The following CAP2 variants were observed in gnomAD, a reference collection of about 807,000 sequenced individuals.
CAP2 encodes cyclase associated actin cytoskeleton regulatory protein 2, also known as adenylyl cyclase-associated protein 2.
CAP2 carries 24 observed loss-of-function variants against 57.7 expected under a neutral mutation model. The observed-to-expected ratio is 0.42, with a 90% confidence interval of 0.30 to 0.58. CAP2 has a LOEUF of 0.58. Ranked by LOEUF, CAP2 falls within the 20% of genes least tolerant of loss-of-function variation. CAP2 has a pLI of 0.22. For synonymous variants in CAP2, 194 were observed against 207.2 expected (o/e 0.94, Z 0.55); for missense variants, 501 against 590.3 (o/e 0.85, Z 1.57).
intron 6 of CAP2, among the ~76,000 whole-genome samples, chr6:17,508,680 T>A (rs1183771427): frequency 6.6e-6 from 1 of 152,060 alleles, no homozygotes; most frequent in East Asian, 1.9e-4. Context: ...GGACGTCTCA[T>A]GTGTTGACCC....
intron 4 of CAP2, among the ~76,000 whole-genome samples, chr6:17,478,247 G>A (rs898623272): frequency 3.4e-5 from 5 of 148,030 alleles, no homozygotes; most frequent in Non-Finnish European, 4.4e-5. Context: ...TGATCCTCCC[G>A]CCTCAGCCTC....
At chr6:17,514,246 C>G (rs1010680901) in intron 7 of CAP2, among the ~76,000 whole-genome samples, 4 of 151,998 alleles carry the variant, frequency 2.6e-5, no homozygotes, top group African/African-American at 4.8e-5. Context: ...TTCTGTAATT[C>G]CAGCTACTCA....
At chr6:17,420,215 C>G (rs542901043) in intron 1 of CAP2, among the ~76,000 whole-genome samples, 1 of 152,204 alleles carries the variant, frequency 6.6e-6, no homozygotes, top group Admixed American at 6.5e-5. Context: ...GCTTTAATCC[C>G]TATTTATCCC....
chr6:17,511,232 C>G (rs1050473976), intron 6 of CAP2, among the ~76,000 whole-genome samples: 1 of 152,086 alleles, frequency 6.6e-6, no homozygotes. Context: ...GCAGCATACT[C>G]CACACCATGC....
intron 3 of CAP2, 90 bp from the exon 4 acceptor site, chr6:17,462,906 G>T (rs1423409163): frequency 4.3e-6 from 4 of 940,966 alleles, no homozygotes; most frequent in Non-Finnish European, 7.0e-6. Flanking sequence ...TTTTTCTTGG[G>T]TATATACCTA....
At chr6:17,538,632 T>C (rs949940096) in intron 7 of CAP2, among the ~76,000 whole-genome samples, 2 of 152,194 alleles carry the variant, frequency 1.3e-5, no homozygotes, top group African/African-American at 4.8e-5. Context: ...GTTGGTTCAC[T>C]AACAGCCAAC....
chr6:17,446,831 G>A (rs35580049), intron 3 of CAP2, among the ~76,000 whole-genome samples: 3,661 of 152,320 alleles, frequency 0.024, 163 homozygotes, highest in African/African-American at 0.083. Flanking sequence ...GGCATCAGCT[G>A]GTGTGACCAA....
chr6:17,528,201 C>T (rs925153429), intron 7 of CAP2, among the ~76,000 whole-genome samples: 2 of 152,220 alleles, frequency 1.3e-5, no homozygotes, highest in African/African-American at 2.4e-5. Flanking sequence ...TTAGCCTAGG[C>T]TAAGCCACGA....
At chr6:17,501,130 C>T (rs562734232) in intron 4 of CAP2, among the ~76,000 whole-genome samples, 5 of 152,262 alleles carry the variant, frequency 3.3e-5, no homozygotes, top group South Asian at 2.1e-4. Flanking sequence ...ACGCCAGGAA[C>T]GTACTGATGG....
At chr6:17,393,793 G>A (rs1157983065) in intron 1 of CAP2, 47 bp downstream of exon 1, 1 of 152,990 alleles carries the variant, frequency 6.5e-6, no homozygotes, top group African/African-American at 2.4e-5. Flanking sequence ...AGGGGTCGGG[G>A]TGCAGGTGCG....
chr6:17,526,969 A>AAAAAAAAAAG (rs1561816420), intron 7 of CAP2, among the ~76,000 whole-genome samples: 1 of 150,268 alleles, frequency 6.7e-6, no homozygotes, highest in African/African-American at 2.5e-5. Flanking sequence ...AAAAAAAAAA[A>AAAAAAAAAAG]AAAAAAAAAG....
chr6:17,460,563 C>G (rs1343187729), intron 3 of CAP2, among the ~76,000 whole-genome samples: 1 of 152,086 alleles, frequency 6.6e-6, no homozygotes, highest in African/African-American at 2.4e-5. Context: ...AGAAGTCAGT[C>G]AATACTATCT....
chr6:17,437,284 C>T (rs1759919519), intron 3 of CAP2, among the ~76,000 whole-genome samples: 1 of 152,068 alleles, frequency 6.6e-6, no homozygotes, highest in African/African-American at 2.4e-5. Context: ...TGGCCTGGAG[C>T]ACAGAGCAGG....
chr6:17,414,812 T>C (rs1193406229), intron 1 of CAP2, among the ~76,000 whole-genome samples: 3 of 152,174 alleles, frequency 2.0e-5, no homozygotes, highest in African/African-American at 7.2e-5. Flanking sequence ...TGGTTCTAGA[T>C]CCTTGAGGAA....
intron 4 of CAP2, among the ~76,000 whole-genome samples, chr6:17,499,976 A>G (rs927843569): frequency 1.3e-5 from 2 of 152,078 alleles, no homozygotes; most frequent in African/African-American, 4.8e-5. Context: ...TAAAGATGTA[A>G]AAATATTTCC....
chr6:17,395,704 A>G (rs1423524717), intron 1 of CAP2, among the ~76,000 whole-genome samples: 1 of 152,190 alleles, frequency 6.6e-6, no homozygotes, highest in East Asian at 1.9e-4. Flanking sequence ...ATCTTTATTC[A>G]TGAGGTTTTG....
intron 6 of CAP2, among the ~76,000 whole-genome samples, chr6:17,511,469 T>G (rs1282186605): frequency 6.6e-6 from 1 of 152,138 alleles, no homozygotes; most frequent in Non-Finnish European, 1.5e-5. Flanking sequence ...TTATTTTTTT[T>G]GATACAGAGT....
At chr6:17,401,813 A>C (rs1331792337) in intron 1 of CAP2, among the ~76,000 whole-genome samples, 1 of 151,908 alleles carries the variant, frequency 6.6e-6, no homozygotes, top group African/African-American at 2.4e-5. Flanking sequence ...ACTGTAGACA[A>C]CCCTTCACTC....
chr6:17,405,285 G>A (rs562575784), intron 1 of CAP2, among the ~76,000 whole-genome samples: 98 of 152,302 alleles, frequency 6.4e-4, no homozygotes, highest in African/African-American at 2.1e-3. Flanking sequence ...GGGAGGCTGA[G>A]GCAGGAGAAT....
Sources: gnomAD v4.1 joint callset for allele counts (sites outside exome capture counted in the v4.1 genomes callset) on GRCh38, gnomAD v4.1.1 for gene constraint, MANE v1.5 for transcripts, NCBI Gene and HGNC (gene_info 2026-07-23, HGNC 2026-07-21) for gene names.